ABCC9: variants seen among roughly 807,000 people sequenced by gnomAD.
The protein encoded by ABCC9 is ATP binding cassette subfamily C member 9, also known as ATP-binding cassette sub-family C member 9.
In ABCC9, 95 loss-of-function variants were observed where a neutral mutation model predicts 188.3. That is an observed-to-expected ratio of 0.50 (90% CI 0.43 to 0.60). The LOEUF is 0.60. Among genes scored for constraint, ABCC9 ranks in the 20% least tolerant of loss-of-function variants. The pLI is 0.00. For missense variants in ABCC9, 1,102 were observed against 1,876.3 expected (o/e 0.59, Z 7.62); for synonymous variants, 659 against 652.7 (o/e 1.01, Z -0.15).
At chr12:21,931,545 C>T (rs577672820) in intron 4 of ABCC9, among the ~76,000 whole-genome samples, 1 of 152,102 alleles carries the variant, frequency 6.6e-6, no homozygotes, top group African/African-American at 2.4e-5. Context: ...TTTATCATGA[C>T]CACTACAAAC....
chr12:21,871,827 G>C (rs1006929481), intron 18 of ABCC9, among the ~76,000 whole-genome samples: 1 of 151,994 alleles, frequency 6.6e-6, no homozygotes, highest in Non-Finnish European at 1.5e-5. Context: ...ATGTCCCCGG[G>C]GACAAAAATC....
intron 32 of ABCC9, among the ~76,000 whole-genome samples, 166 bp downstream of exon 32, chr12:21,817,984 G>A: frequency 6.6e-6 from 1 of 151,740 alleles, no homozygotes; most frequent in Non-Finnish European, 1.5e-5. Context: ...TGCACCTATT[G>A]ACCCACCCTC....
intron 30 of ABCC9, among the ~76,000 whole-genome samples, chr12:21,832,118 T>TGAAA (rs1943796107): frequency 6.6e-6 from 1 of 152,218 alleles, no homozygotes; most frequent in Non-Finnish European, 1.5e-5. Context: ...CCTGTATCTT[T>TGAAA]TCATCCATAT....
At chr12:21,815,028 C>T (rs897070335) in intron 34 of ABCC9, among the ~76,000 whole-genome samples, 3 of 151,844 alleles carry the variant, frequency 2.0e-5, no homozygotes, top group African/African-American at 7.3e-5. Context: ...ACAAAAAATA[C>T]ACAAATTAGC....
chr12:21,814,872 C>A, intron 34 of ABCC9, 150 bp from the exon 35 acceptor site: 1 of 721,818 alleles, frequency 1.4e-6, no homozygotes. Flanking sequence ...CTTAGATCTA[C>A]ATTATGAATT....
At position 21,899,653 on chromosome 12, in the gene ABCC9, A is replaced by G. The variant is rs1201854222; in HGVS notation, c.1619-4338T>C. Among the ~76,000 whole-genome samples, 3 of 152,340 alleles carry G rather than the reference A, an allele frequency of 2.0e-5. No homozygotes were observed. In the East Asian group the frequency reaches 5.8e-4, roughly 29 times the overall value. On this transcript the variant is annotated intron_variant, in intron 12 of 39. Transcript: ENST00000261200. ...CAACGGTCTTAGCAAACAGCACACC[A>G]GGACATCATATCCCACGCCTGGCTC...
chr12:21,804,214 T>C (rs1270508915), intron 39 of ABCC9, among the ~76,000 whole-genome samples: 1 of 152,148 alleles, frequency 6.6e-6, no homozygotes, highest in Non-Finnish European at 1.5e-5. Flanking sequence ...AGAAAAGTAT[T>C]CAGTGAATGT....
chr12:21,869,488 C>G (rs1945953655), intron 18 of ABCC9: 1 of 152,168 alleles, frequency 6.6e-6, no homozygotes, highest in Non-Finnish European at 1.5e-5. Context: ...ATGTAAATCA[C>G]TCCTCTACTT....
In ABCC9 at chr12:21,859,670, G is replaced by A. The variant is rs371234436; in HGVS notation, c.2425-4C>T. On this transcript the variant is annotated splice_region_variant and splice_polypyrimidine_tract_variant and intron_variant, in intron 21 of 39. Coordinates refer to ENST00000261200, the MANE Select transcript of ABCC9 (RefSeq NM_020297.4). ...GTCCCCCACTCAGGTTGATGCCCTA[G>A]AGAAGAGACACCCCCAAATACCCAT... is the stretch of plus-strand genomic sequence containing the variant. 6.2e-7 allele frequency: 1 copy of A among 1,613,366 alleles called. No individual in the cohort carries two copies. The highest frequency in any genetic ancestry group is 8.5e-7 in the Non-Finnish European group (1 of 1,179,440).
rs1565710222 is a variant in ABCC9 at position 21,829,079 on chromosome 12, CGAT to C, written c.3567-22_3567-20del. On this transcript the variant is annotated intron_variant, in intron 30 of 39. Transcript: ENST00000261200. The stretch of plus-strand genomic sequence containing the variant: ...TTCATGCCTGCAGAAAACAAAAACA[CGAT>C]GTTAACCACACAACAGGAGAGGTAA... The C allele has an allele frequency of 6.4e-7, 1 of 1,554,442 alleles. No individual in the cohort carries two copies. Among genetic ancestry groups the C allele is most frequent in the East Asian group, 2.3e-5 (1 of 43,666 alleles).
chr12:21,805,180 G>A (rs1941746190), intron 39 of ABCC9: 1 of 1,613,874 alleles, frequency 6.2e-7, no homozygotes, highest in African/African-American at 1.3e-5. Flanking sequence ...TGGTCTACTT[G>A]TTGGTCATCA....
chr12:21,816,194 T>C (rs767742063), intron 33 of ABCC9, among the ~76,000 whole-genome samples: 1 of 151,916 alleles, frequency 6.6e-6, no homozygotes, highest in Non-Finnish European at 1.5e-5. Context: ...ATTCCGTCAC[T>C]CAATTCTATT....
chr12:21,908,590 C>T (rs1163392730), intron 10 of ABCC9, among the ~76,000 whole-genome samples: 1 of 151,904 alleles, frequency 6.6e-6, no homozygotes, highest in Non-Finnish European at 1.5e-5. Flanking sequence ...TGTCACCCAC[C>T]ATAAATTTGA....
At chr12:21,838,606 ATCTG>A (rs958001863) in intron 29 of ABCC9, among the ~76,000 whole-genome samples, 1 of 152,198 alleles carries the variant, frequency 6.6e-6, no homozygotes, top group African/African-American at 2.4e-5. Context: ...TGCAAGTTCA[ATCTG>A]TCTGGTGCCC....
At chr12:21,851,240 A>G (rs922881781) in intron 24 of ABCC9, among the ~76,000 whole-genome samples, 26 of 152,178 alleles carry the variant, frequency 1.7e-4, no homozygotes, top group African/African-American at 5.8e-4. Context: ...TGCAAATTTA[A>G]TTTACAATTT....
At position 21,915,514 on chromosome 12, in the gene ABCC9, A is replaced by ATATATATATATTTTT; in HGVS notation, c.816+153_816+154insAAAAATATATATATA. 2.0e-3 allele frequency among the ~76,000 whole-genome samples: 7 copies of ATATATATATATTTTT among 3,522 alleles called. 2 individuals carry two copies. The highest frequency in any genetic ancestry group is 2.8e-3 in the Non-Finnish European group (6 of 2,144). The allele number at this position is 3,522 out of a possible 152,430, so 2.3% of individuals were successfully genotyped here. On this transcript the variant is annotated intron_variant, in intron 7 of 39. Transcript: ENST00000261200. ...TGTGTGTGTGTGTATATATATATAT[A>ATATATATATATTTTT]TTTTTTTTTTTTTTTTGAGACAGAG...
In ABCC9 at chr12:21,936,681, T is replaced by G; in HGVS notation, c.-7A>C. On this transcript the variant is annotated 5_prime_UTR_variant, in exon 3 of 40. Transcript: ENST00000261200. ...CACAAAATGAAAGGCTCATTTCTTC[T>G]TATATGGTTTACTCTAAAAGGGAGA... 6.2e-7 allele frequency: 1 copy of G among 1,603,402 alleles called. No individual in the cohort carries two copies. The highest frequency in any genetic ancestry group is 8.5e-7 in the Non-Finnish European group (1 of 1,170,640).
chr12:21,872,681 A>G lies in ABCC9; in HGVS notation c.2142T>C (p.Leu714=). The change falls in exon 18 of 40, where the codon CTT becomes CTC. Residue 714 remains leucine (L), a synonymous_variant. Coordinates refer to ENST00000261200, the MANE Select transcript of ABCC9 (RefSeq NM_020297.4). ...VGQVGCGKSS[L]LLAILGEMQT... ...GCATCTCACCGAGGATGGCAAGGAG[A>G]AGAGAGGACTTCCCACATCCTACTT... 1.9e-6 allele frequency: 3 copies of G among 1,613,880 alleles called. No homozygotes were observed. Among genetic ancestry groups the G allele is most frequent in the Non-Finnish European group, 2.5e-6 (3 of 1,179,806 alleles).
Position 21,809,934 on chromosome 12 carries a change from G to T in ABCC9, c.4233C>A (p.Cys1411Ter). ...CCCAGAGTCTGTCATCTGTGCATTTGCACTCTGGATCTAAATTAAATCTGT... is the reference window on the plus strand; with the variant it reads ...CCCAGAGTCTGTCATCTGTGCATTTTCACTCTGGATCTAAATTAAATCTGT... ...GSIRFNLDPE[C>*]KCTDDRLWEA... The change falls in exon 37 of 40, where the codon TGC (cysteine) becomes TGA (stop). Residue 1411 changes from cysteine to a stop codon, truncating the protein, a stop_gained. Coordinates refer to ENST00000261200, the MANE Select transcript of ABCC9 (RefSeq NM_020297.4). LOFTEE classifies it high-confidence loss of function. 6.2e-7 allele frequency: 1 copy of T among 1,610,954 alleles called. No individual in the cohort carries two copies. The highest frequency in any genetic ancestry group is 8.5e-7 in the Non-Finnish European group (1 of 1,178,110).
Sources: allele counts gnomAD v4.1 joint callset (sites outside exome capture counted in the v4.1 genomes callset), GRCh38; gene constraint gnomAD v4.1.1; transcripts MANE v1.5; gene names NCBI Gene and HGNC (gene_info 2026-07-23, HGNC 2026-07-21).